XRRA1: variants seen among roughly 807,000 people sequenced by gnomAD.
XRRA1 encodes X-ray radiation resistance-associated protein 1.
In XRRA1, 69 loss-of-function variants were observed where a neutral mutation model predicts 80.2. That is an observed-to-expected ratio of 0.86 (90% CI 0.71 to 1.05). XRRA1 has a LOEUF of 1.05. Among genes scored for constraint, XRRA1 ranks in the 50% least tolerant of loss-of-function variants. XRRA1 has a pLI of 0.00. For synonymous variants in XRRA1, 348 were observed against 389.9 expected, an observed-to-expected ratio of 0.89 and a Z score of 1.27; for missense variants, 967 against 976.4, an observed-to-expected ratio of 0.99 and a Z score of 0.13.
At chr11:74,847,830 G>A (rs909545720) in intron 15 of XRRA1, among the ~76,000 whole-genome samples, 1 of 152,180 alleles carries the variant, frequency 6.6e-6, no homozygotes, top group Non-Finnish European at 1.5e-5. Flanking sequence ...AAACCCCTCT[G>A]AAAAACTAGT....
intron 10 of XRRA1, among the ~76,000 whole-genome samples, chr11:74,867,615 T>G (rs1309606341): frequency 1.3e-5 from 2 of 152,126 alleles, no homozygotes; most frequent in Non-Finnish European, 2.9e-5. Context: ...ATCCCTGAAA[T>G]GCAAGGAGAG....
chr11:74,907,045 G>A (rs2054757315), intron 9 of XRRA1, 100 bp downstream of exon 9: 12 of 1,494,112 alleles, frequency 8.0e-6, no homozygotes, highest in Non-Finnish European at 1.1e-5. Flanking sequence ...TGTGGAGCTA[G>A]GCTTTAAACC....
At chr11:74,946,378 G>C (rs1303628883) in intron 1 of XRRA1, among the ~76,000 whole-genome samples, 1 of 152,182 alleles carries the variant, frequency 6.6e-6, no homozygotes, top group African/African-American at 2.4e-5. Flanking sequence ...GGATCAAGGA[G>C]GTGGTCCCCC....
intron 1 of XRRA1, among the ~76,000 whole-genome samples, chr11:74,945,474 T>C (rs988198581): frequency 1.3e-5 from 2 of 152,160 alleles, no homozygotes; most frequent in African/African-American, 4.8e-5. Flanking sequence ...GCCATGCATA[T>C]AATACAAAAG....
chr11:74,930,282 A>T lies in XRRA1; in HGVS notation c.424+18T>A. On this transcript the variant is annotated intron_variant, in intron 6 of 18. Transcript: ENST00000684022. ...GGCTAAGAGGAGGAAGAGAGCTTTC[A>T]AGAAAGAAAAAGCTTACCTAGAGGC... is the stretch of plus-strand genomic sequence containing the variant. 6.4e-7 allele frequency: 1 copy of T among 1,550,772 alleles called. No homozygotes were observed. Among genetic ancestry groups the T allele is most frequent in the Non-Finnish European group, 8.7e-7 (1 of 1,143,678 alleles).
intron 16 of XRRA1, 99 bp from the exon 17 acceptor site, chr11:74,844,382 G>T: frequency 2.3e-6 from 2 of 858,312 alleles, no homozygotes; most frequent in Non-Finnish European, 1.9e-6. Context: ...GCAGCTCTAG[G>T]TAAAAGGATT....
chr11:74,878,526 G>T (rs2046644140), intron 10 of XRRA1, among the ~76,000 whole-genome samples: 1 of 152,152 alleles, frequency 6.6e-6, no homozygotes, highest in Non-Finnish European at 1.5e-5. Flanking sequence ...TTTTAGACAT[G>T]AAGTCCTTGC....
At chr11:74,891,350 A>G (rs1478230784) in intron 10 of XRRA1, among the ~76,000 whole-genome samples, 3 of 152,218 alleles carry the variant, frequency 2.0e-5, no homozygotes, top group Non-Finnish European at 4.4e-5. Flanking sequence ...ACAAAATTCA[A>G]CAGCCCTTCA....
intron 8 of XRRA1, among the ~76,000 whole-genome samples, chr11:74,910,196 C>T (rs2055553055): frequency 6.6e-6 from 1 of 152,140 alleles, no homozygotes; most frequent in Admixed American, 6.5e-5. Flanking sequence ...TGTGCAAACA[C>T]ACAGAATAAG....
intron 12 of XRRA1, among the ~76,000 whole-genome samples, chr11:74,857,380 CAA>C (rs61112350): frequency 1.4e-5 from 2 of 144,048 alleles, no homozygotes; most frequent in East Asian, 2.0e-4. Context: ...TGATTAGAGG[CAA>C]AAAAAAAAGG....
At position 74,884,140 on chromosome 11, in the gene XRRA1, G is replaced by C. The variant is rs867931470; in HGVS notation, c.1004-21119C>G. ...CTTGAACCCACTGCACTCCATCCTG[G>C]GTGACAAAGCATTACTCTGTCTCAA... On this transcript the variant is annotated intron_variant, in intron 10 of 18. Transcript: ENST00000684022. 1.2e-4 allele frequency among the ~76,000 whole-genome samples: 19 copies of C among 152,006 alleles called. 1 individual carries two copies. The highest frequency in any genetic ancestry group is 6.8e-3 in the Middle Eastern group (2 of 294).
intron 8 of XRRA1, among the ~76,000 whole-genome samples, chr11:74,920,586 T>C (rs1940423181): frequency 6.6e-6 from 1 of 152,190 alleles, no homozygotes; most frequent in African/African-American, 2.4e-5. Context: ...GAGAATATAA[T>C]ATAACAGTCA....
chr11:74,908,814 G>GA, intron 8 of XRRA1, among the ~76,000 whole-genome samples: 1 of 152,238 alleles, frequency 6.6e-6, no homozygotes, highest in Non-Finnish European at 1.5e-5. Flanking sequence ...ATGTGAAAAA[G>GA]AGAGAACAGG....
At chr11:74,851,268 C>T (rs2039766894) in intron 13 of XRRA1, 65 bp from the exon 14 acceptor site, 2 of 1,237,790 alleles carry the variant, frequency 1.6e-6, no homozygotes, top group South Asian at 1.4e-5. Flanking sequence ...TTACTATGTG[C>T]CAGGCACTAT....
At chr11:74,848,068 C>G in intron 15 of XRRA1, 47 bp downstream of exon 15, 1 of 1,539,778 alleles carries the variant, frequency 6.5e-7, no homozygotes, top group East Asian at 2.3e-5. Flanking sequence ...GCACAGGAAC[C>G]TGTGGGAGCT....
At chr11:74,914,513 T>C (rs1405474604) in intron 8 of XRRA1, among the ~76,000 whole-genome samples, 3 of 152,136 alleles carry the variant, frequency 2.0e-5, no homozygotes, top group East Asian at 1.9e-4. Flanking sequence ...TAGGGTACCA[T>C]ACATCCTGGA....
intron 10 of XRRA1, among the ~76,000 whole-genome samples, chr11:74,889,909 T>G (rs1032220418): frequency 3.3e-5 from 5 of 152,238 alleles, no homozygotes; most frequent in African/African-American, 4.8e-5. Flanking sequence ...AGCAAGTGCT[T>G]AGAGACCTAC....
intron 16 of XRRA1, among the ~76,000 whole-genome samples, chr11:74,844,868 G>C (rs1451955173): frequency 1.3e-5 from 2 of 152,262 alleles, no homozygotes; most frequent in Non-Finnish European, 2.9e-5. Flanking sequence ...ATAAGCCAGT[G>C]AAGGCCTAGG....
rs949138724 is a variant in XRRA1 at position 74,921,325 on chromosome 11, C to T, written c.545G>A (p.Ser182Asn). 3.4e-5 allele frequency: 55 copies of T among 1,613,802 alleles called. No homozygotes were observed. Among genetic ancestry groups the T allele is most frequent in the Non-Finnish European group, 4.5e-5 (53 of 1,179,862 alleles). Residue 182 changes from serine (S) to asparagine (N), a missense_variant, in exon 8 of 19, where the codon AGC (serine) becomes AAC (asparagine). Coordinates refer to ENST00000684022, the MANE Select transcript of XRRA1 (RefSeq NM_001378157.1). Reference sequence around the variant, plus strand: ...ATCACAGATGGCCTCCACAGTCAGGCTGTTGAAGGAAAGGTCCAAGAACTG... The same window carrying T: ...ATCACAGATGGCCTCCACAGTCAGGTTGTTGAAGGAAAGGTCCAAGAACTG... Reference protein sequence around the residue: ...LLEFLDLSFNSLTVEAICDLG... With the variant: ...LLEFLDLSFNNLTVEAICDLG...
Sources: allele counts gnomAD v4.1 joint callset (sites outside exome capture counted in the v4.1 genomes callset), GRCh38; gene constraint gnomAD v4.1.1; transcripts MANE v1.5; gene names NCBI Gene and HGNC (gene_info 2026-07-23, HGNC 2026-07-21).